Variants in SF3B3 observed in about 807,000 individuals in gnomAD.
SF3B3 encodes the protein SAP 130.
A neutral mutation model predicts 139.2 loss-of-function variants in SF3B3; 33 were observed. The observed-to-expected ratio is 0.24, with a 90% CI of 0.18 to 0.32. The LOEUF is 0.32. Ranked by LOEUF, SF3B3 falls within the 10% of genes least tolerant of loss-of-function variation. The probability of loss-of-function intolerance (pLI) is 1.00; values close to 1 mark genes in which losing one functional copy is unlikely to be tolerated. For synonymous variants in SF3B3, 596 were observed against 563.6 expected (o/e 1.06, Z -0.81); for missense variants, 818 against 1,509.4 (o/e 0.54, Z 7.59).
chr16:70,565,893 G>T lies in SF3B3; in HGVS notation c.2826+369G>T, dbSNP rs543835519. Among the ~76,000 whole-genome samples the T allele has an allele frequency of 9.9e-5, 15 of 152,250 alleles. No individual in the cohort carries two copies. In the East Asian group the frequency reaches 2.9e-3, roughly 29 times the overall value. ...GCACTTTGGGAGGCCGAGGCAGGCAGATCACCTGAGGTCAGGAGTTCGAGA... is the reference window on the plus strand; with the variant it reads ...GCACTTTGGGAGGCCGAGGCAGGCATATCACCTGAGGTCAGGAGTTCGAGA... On this transcript the variant is annotated intron_variant, in intron 20 of 25. Coordinates refer to ENST00000302516, the MANE Select transcript of SF3B3 (RefSeq NM_012426.5).
chr16:70,565,754 C>T (rs1233303973), intron 20 of SF3B3: 2 of 493,924 alleles, frequency 4.0e-6, no homozygotes, highest in African/African-American at 3.8e-5. Flanking sequence ...GATGCACATT[C>T]AATTGGTCTC....
chr16:70,555,857 A>T (rs2050375592), intron 13 of SF3B3, among the ~76,000 whole-genome samples: 1 of 152,170 alleles, frequency 6.6e-6, no homozygotes, highest in African/African-American at 2.4e-5. Context: ...ATTCTTGTAA[A>T]ACACAGACAG....
At chr16:70,541,112 C>T (rs542861939) in intron 8 of SF3B3, among the ~76,000 whole-genome samples, 2 of 152,186 alleles carry the variant, frequency 1.3e-5, no homozygotes, top group African/African-American at 2.4e-5. Context: ...TTGTTTTCCA[C>T]GTTTGTGATT....
chr16:70,543,920 T>TA (rs1214263348), intron 9 of SF3B3, among the ~76,000 whole-genome samples: 2 of 152,074 alleles, frequency 1.3e-5, no homozygotes, highest in East Asian at 1.9e-4. Flanking sequence ...GTGGCACAGT[T>TA]ACGACTCACT....
intron 15 of SF3B3, among the ~76,000 whole-genome samples, chr16:70,557,438 A>C (rs1173658858): frequency 6.6e-6 from 1 of 152,228 alleles, no homozygotes; most frequent in Admixed American, 6.5e-5. Context: ...CCGTGAAGAA[A>C]AGGTGTGCTT....
intron 13 of SF3B3, among the ~76,000 whole-genome samples, chr16:70,555,477 CAAAAAAAAAAAAAA>C (rs33955800): frequency 1.4e-5 from 1 of 73,114 alleles, no homozygotes; most frequent in Non-Finnish European, 2.6e-5. Flanking sequence ...GACTCCGTCT[CAAAAAAAAAAAAAA>C]AAAAAAAAAG....
Position 70,530,899 on chromosome 16 carries a change from T to C in SF3B3, c.552T>C (p.Cys184=). The change falls in exon 4 of 26, where the codon TGT becomes TGC. Residue 184 remains cysteine, a synonymous_variant. Coordinates refer to ENST00000302516, the MANE Select transcript of SF3B3 (RefSeq NM_012426.5). ...GATTTGAAAATCCAATGTTTGCTTG[T>C]CTGGAAATGGATTATGAGGTAATGG... ...DVGFENPMFA[C]LEMDYEEADN... is the part of the protein sequence containing the mutation. 6.2e-7 allele frequency: 1 copy of C among 1,612,946 alleles called. No individual in the cohort carries two copies. Among genetic ancestry groups the C allele is most frequent in the Non-Finnish European group, 8.5e-7 (1 of 1,179,580 alleles).
intron 1 of SF3B3, chr16:70,524,709 C>G (rs1361738218): frequency 2.0e-5 from 3 of 152,192 alleles, no homozygotes; most frequent in Admixed American, 1.3e-4. Context: ...GAGACGGTGT[C>G]TCGCTTTGTC....
chr16:70,569,864 C>T, intron 23 of SF3B3, 142 bp from the exon 24 acceptor site: 1 of 880,682 alleles, frequency 1.1e-6, no homozygotes. Flanking sequence ...TGGGCTCAAG[C>T]AATCCTCCCA....
intron 15 of SF3B3, 144 bp downstream of exon 15, chr16:70,557,173 C>G: frequency 1.3e-6 from 1 of 784,986 alleles, no homozygotes; most frequent in Non-Finnish European, 2.0e-6. Flanking sequence ...CTGGGTTCCA[C>G]TTTTCTCAGC....
intron 11 of SF3B3, among the ~76,000 whole-genome samples, chr16:70,552,797 G>A (rs2050340226): frequency 6.6e-6 from 1 of 152,182 alleles, no homozygotes; most frequent in Non-Finnish European, 1.5e-5. Context: ...TATATATGAA[G>A]CAACTTCATA....
rs142510850 is a variant in SF3B3, at chr16:70,571,612, A to G, written c.3514-61A>G. 4.5e-6 allele frequency: 7 copies of G among 1,556,618 alleles called. No homozygotes were observed. The East Asian group carries it at 1.4e-4, about 30-fold the overall frequency. On this transcript the variant is annotated intron_variant, in intron 25 of 25. Coordinates refer to ENST00000302516, the MANE Select transcript of SF3B3 (RefSeq NM_012426.5). ...CTTTCCCTACAAGTGCTGCTTTAGCATGTGCCATTTTCTTTGGGCATCTCA... is the reference window on the plus strand; with the variant it reads ...CTTTCCCTACAAGTGCTGCTTTAGCGTGTGCCATTTTCTTTGGGCATCTCA...
Position 70,526,680 on chromosome 16 carries a change from G to A in SF3B3, c.24G>A (p.Leu8=). Residue 8 remains leucine (L), a synonymous_variant, in exon 2 of 26, where the codon TTG becomes TTA. Coordinates refer to ENST00000302516, the MANE Select transcript of SF3B3 (RefSeq NM_012426.5). The part of the protein sequence containing the change: MFLYNLT[L]QRATGISFAI... Reference sequence around the variant, plus strand: ...CCATGTTTCTGTACAACTTAACCTTGCAGAGAGCCACTGGCATCAGCTTTG... The same window carrying A: ...CCATGTTTCTGTACAACTTAACCTTACAGAGAGCCACTGGCATCAGCTTTG... The A allele has an allele frequency of 6.2e-7, 1 of 1,614,088 alleles. No homozygotes were observed.
Position 70,556,325 on chromosome 16 carries a change from G to A in SF3B3, c.1857G>A (p.Leu619=), listed in dbSNP as rs759215588. The A allele has an allele frequency of 1.5e-5, 25 of 1,614,040 alleles. No individual in the cohort carries two copies. Among genetic ancestry groups the A allele is most frequent in the Non-Finnish European group, 1.9e-5 (23 of 1,180,036 alleles). ...ACAACACTGTCAGAATCATCTCCCT[G>A]GATCCCTCAGTGAGTGACACTCTGA... ...LVDNTVRIIS[L]DPSDCLQPLS... Residue 619 remains leucine (L), a synonymous_variant, in exon 14 of 26, where the codon CTG becomes CTA. Transcript: ENST00000302516.
intron 24 of SF3B3, among the ~76,000 whole-genome samples, chr16:70,570,635 C>A (rs1042741387): frequency 6.6e-6 from 1 of 152,148 alleles, no homozygotes; most frequent in African/African-American, 2.4e-5. Context: ...CCGGCCAGGC[C>A]GTTTGTTTTT....
Position 70,529,073 on chromosome 16 carries a change from G to C in SF3B3, c.271G>C (p.Glu91Gln). Residue 91 changes from glutamate (E) to glutamine (Q), a missense_variant, in exon 3 of 26, where the codon GAA (glutamate) becomes CAA (glutamine). Glu to Gln is a conservative substitution (Grantham distance 29). Around this residue, in one of 14 missense-constraint regions of SF3B3, gnomAD observed 144 missense variants for 259.2 expected, o/e 0.56. Transcript: ENST00000302516. ...GSDSGRIVIL[E>Q]YQPSKNMFEK... ...TGACTCTGGTCGAATTGTTATTTTG[G>C]AATACCAGCCATCTAAGAATATGTT... 6.2e-7 allele frequency: 1 copy of C among 1,614,144 alleles called. No homozygotes were observed. The highest frequency in any genetic ancestry group is 2.2e-5 in the East Asian group (1 of 44,886).
chr16:70,523,840 G>C lies in SF3B3; in HGVS notation c.-159G>C, dbSNP rs182259050. On this transcript the variant is annotated 5_prime_UTR_variant, in exon 1 of 26. Transcript: ENST00000302516. ...TGTCCCTGTCTTGAGGTCTAATGGC[G>C]GACGCCAGTATGTTGGAGTTGGTGG... 3.7e-6 allele frequency: 2 copies of C among 540,270 alleles called. No homozygotes were observed. Among genetic ancestry groups the C allele is most frequent in the East Asian group, 6.1e-5 (2 of 32,728 alleles). 33.5% of individuals were successfully genotyped at this position (540,270 alleles called of 1,614,324 possible). A position where few individuals can be genotyped will look rare whatever the true frequency, so the allele number is the denominator to read the frequency against.
intron 3 of SF3B3, chr16:70,529,431 T>C (rs990635974): frequency 1.8e-6 from 1 of 541,030 alleles, no homozygotes; most frequent in African/African-American, 1.9e-5. Flanking sequence ...TGGGTGTTTT[T>C]CAATTTCTTT....
chr16:70,554,929 C>A, intron 12 of SF3B3, 122 bp from the exon 13 acceptor site: 3 of 893,896 alleles, frequency 3.4e-6, no homozygotes, highest in South Asian at 3.5e-5. Context: ...TTTGATTCAA[C>A]TGGTGCCTCA....
Sources: allele counts gnomAD v4.1 joint callset (sites outside exome capture counted in the v4.1 genomes callset), GRCh38; gene constraint gnomAD v4.1.1; regional missense constraint gnomAD v4.1.1; transcripts MANE v1.5; gene names NCBI Gene and HGNC (gene_info 2026-07-23, HGNC 2026-07-21).